ASAP2: variants seen among roughly 807,000 people sequenced by gnomAD.
ASAP2 encodes the protein ArfGAP with SH3 domain, ankyrin repeat and PH domain 2, also known as arf-GAP with SH3 domain, ANK repeat and PH domain-containing protein 2.
ASAP2 carries 45 observed loss-of-function variants against 131.4 expected under a neutral mutation model. The observed-to-expected ratio is 0.34, with a 90% CI of 0.27 to 0.44. The LOEUF is 0.44. Among genes scored for constraint, ASAP2 ranks in the 20% least tolerant of loss-of-function variants. The pLI is 1.00. For missense variants in ASAP2, 1,011 were observed against 1,297.0 expected (o/e 0.78, Z 3.39); for synonymous variants, 510 against 503.0 (o/e 1.01, Z -0.19).
chr2:9,290,911 G>A (rs1203651768), intron 2 of ASAP2, among the ~76,000 whole-genome samples: 1 of 152,186 alleles, frequency 6.6e-6, no homozygotes, highest in East Asian at 1.9e-4. Context: ...GCATATGACA[G>A]TTTATTGACT....
chr2:9,286,128 G>A (rs924654932), intron 2 of ASAP2, among the ~76,000 whole-genome samples: 2 of 152,210 alleles, frequency 1.3e-5, no homozygotes, highest in Admixed American at 1.3e-4. Context: ...TGGGCACGGT[G>A]ACTCACGCCT....
chr2:9,330,864 C>T (rs1670787831), intron 7 of ASAP2, among the ~76,000 whole-genome samples: 1 of 152,216 alleles, frequency 6.6e-6, no homozygotes, highest in Admixed American at 6.5e-5. Context: ...GACATGATCC[C>T]AGTAACCTTT....
At chr2:9,237,346 C>A (rs1017311767) in intron 1 of ASAP2, among the ~76,000 whole-genome samples, 2 of 151,172 alleles carry the variant, frequency 1.3e-5, no homozygotes, top group African/African-American at 4.9e-5. Context: ...TAATTGATAC[C>A]TTTGAAAAGA....
chr2:9,358,730 C>G (rs1572540178), intron 14 of ASAP2, 26 bp from the exon 15 acceptor site: 2 of 1,598,520 alleles, frequency 1.3e-6, no homozygotes, highest in Non-Finnish European at 1.7e-6. Context: ...ACTGGAAGCT[C>G]AAATCTGCCC....
intron 3 of ASAP2, among the ~76,000 whole-genome samples, chr2:9,312,695 A>T (rs1669380683): frequency 6.6e-6 from 1 of 152,118 alleles, no homozygotes; most frequent in East Asian, 1.9e-4. Flanking sequence ...ACTTACCTAA[A>T]CATGGGGCGT....
chr2:9,235,828 A>G (rs895456340), intron 1 of ASAP2, among the ~76,000 whole-genome samples: 1 of 152,140 alleles, frequency 6.6e-6, no homozygotes, highest in African/African-American at 2.4e-5. Context: ...TGGTTGGTGG[A>G]TGCAGCCGGC....
At chr2:9,327,296 A>G (rs1344943042) in intron 6 of ASAP2, among the ~76,000 whole-genome samples, 1 of 152,228 alleles carries the variant, frequency 6.6e-6, no homozygotes, top group Non-Finnish European at 1.5e-5. Context: ...GCTTTCTGAT[A>G]GCTTCGTGGT....
intron 3 of ASAP2, among the ~76,000 whole-genome samples, chr2:9,314,183 C>T (rs370592546): frequency 1.3e-5 from 2 of 152,048 alleles, no homozygotes; most frequent in East Asian, 1.9e-4. Flanking sequence ...GGGGTTTTGC[C>T]GTGTTGGTCA....
At chr2:9,326,422 A>C (rs893284897) in intron 6 of ASAP2, among the ~76,000 whole-genome samples, 1 of 152,186 alleles carries the variant, frequency 6.6e-6, no homozygotes, top group African/African-American at 2.4e-5. Context: ...TTAATAAAGA[A>C]ATTCAGTATG....
Position 9,335,073 on chromosome 2 carries a change from G to GC in ASAP2, c.763-20_763-19insC. On this transcript the variant is annotated intron_variant, in intron 8 of 27. Transcript: ENST00000281419. ...TCTTAATTTTCTGATTGGTTCTGTT[G>GC]TGTGTGTGTGTTTTTAAAGATCAAA... The GC allele has an allele frequency of 6.6e-7, 1 of 1,509,912 alleles. No individual in the cohort carries two copies. The highest frequency in any genetic ancestry group is 9.1e-7 in the Non-Finnish European group (1 of 1,093,566). 93.5% of individuals were successfully genotyped at this position (1,509,912 alleles called of 1,614,324 possible).
chr2:9,379,005 G>A lies in ASAP2; in HGVS notation c.1894G>A (p.Asp632Asn), dbSNP rs774257242. The change falls in exon 19 of 28, where the codon GAC becomes AAC. Residue 632 changes from aspartate (D) to asparagine (N), a missense_variant. Physicochemically the swap from Asp to Asn is conservative, Grantham distance 23. Coordinates refer to ENST00000281419, the MANE Select transcript of ASAP2 (RefSeq NM_003887.3). ...AGCCCTGCACTACTGCTGCCTGACC[G>A]ACAATGCCGAGTGCCTCAAGTTGCT... ...STALHYCCLT[D>N]NAECLKLLLR... The A allele has an allele frequency of 3.1e-5, 49 of 1,574,234 alleles. 1 individual carries two copies. Among genetic ancestry groups the A allele is most frequent in the South Asian group, 2.0e-4 (17 of 85,574 alleles).
At chr2:9,343,611 T>A (rs1442031716) in intron 9 of ASAP2, among the ~76,000 whole-genome samples, 2 of 152,192 alleles carry the variant, frequency 1.3e-5, no homozygotes. Context: ...CATACCTAGC[T>A]AATTTTTGTA....
At chr2:9,259,998 G>A (rs1364577934) in intron 1 of ASAP2, among the ~76,000 whole-genome samples, 1 of 151,570 alleles carries the variant, frequency 6.6e-6, no homozygotes, top group African/African-American at 2.4e-5. Context: ...AAACTCTGTG[G>A]TTGAGGAACC....
chr2:9,353,824 T>C (rs560924588), intron 12 of ASAP2, among the ~76,000 whole-genome samples: 7 of 152,016 alleles, frequency 4.6e-5, no homozygotes, highest in Non-Finnish European at 1.0e-4. Flanking sequence ...GAAGGTGGAA[T>C]TGGGGCCAGG....
intron 2 of ASAP2, among the ~76,000 whole-genome samples, chr2:9,294,971 C>T (rs1668064852): frequency 6.6e-6 from 1 of 152,200 alleles, no homozygotes; most frequent in Admixed American, 6.5e-5. Context: ...CAGCCCCCTT[C>T]CTGAACCCAA....
chr2:9,292,544 A>T (rs1010935605), intron 2 of ASAP2, among the ~76,000 whole-genome samples: 2 of 152,056 alleles, frequency 1.3e-5, no homozygotes, highest in South Asian at 4.2e-4. Flanking sequence ...CAAAAGAAAA[A>T]CAGAGAAAGT....
chr2:9,248,976 C>G (rs1208672529), intron 1 of ASAP2, among the ~76,000 whole-genome samples: 1 of 152,164 alleles, frequency 6.6e-6, no homozygotes, highest in South Asian at 2.1e-4. Flanking sequence ...CTTTAACTTG[C>G]GTAAATTCCT....
chr2:9,278,948 C>T (rs116504383), intron 1 of ASAP2, among the ~76,000 whole-genome samples: 1 of 152,272 alleles, frequency 6.6e-6, no homozygotes, highest in African/African-American at 2.4e-5. Context: ...CAGGGGCATC[C>T]TGGAGCCTTG....
In ASAP2 at chr2:9,206,907, G is replaced by C. The variant is rs1247936929; in HGVS notation, c.-198G>C. On this transcript the variant is annotated 5_prime_UTR_variant, in exon 1 of 28. Coordinates refer to ENST00000281419, the MANE Select transcript of ASAP2 (RefSeq NM_003887.3). The surrounding 1 kb of genome is among the most constrained non-coding windows in gnomAD (Gnocchi z 4.0). ...CCCTCGGCGCGCAGGCGGGCGGACC[G>C]GCCGAGCTGCGCGGGGCTGCGCGCC... 4.0e-6 allele frequency: 1 copy of C among 252,736 alleles called. No homozygotes were observed. The highest frequency in any genetic ancestry group is 2.3e-5 in the African/African-American group (1 of 42,812). The allele number at this position is 252,736 out of a possible 1,614,324, so 15.7% of individuals were successfully genotyped here.
Sources: gnomAD v4.1 joint callset for allele counts (sites outside exome capture counted in the v4.1 genomes callset) on GRCh38, gnomAD v4.1.1 for gene constraint, Gnocchi (gnomAD v3.1) non-coding constraint, MANE v1.5 for transcripts, NCBI Gene and HGNC (gene_info 2026-07-23, HGNC 2026-07-21) for gene names.